Variants in ITFG1 observed in about 807,000 individuals in gnomAD.
ITFG1 encodes the protein T-cell immunomodulatory protein.
Under a neutral mutation model 81.8 loss-of-function variants are expected in ITFG1, and 34 were observed. The ratio of observed to expected loss-of-function variants is 0.42; its 90% CI spans 0.32 to 0.55. The LOEUF (loss-of-function observed/expected upper bound fraction) is 0.55, where lower values mean the gene tolerates loss of function less well. Ranked by LOEUF, ITFG1 falls within the 20% of genes least tolerant of loss-of-function variation. The pLI is 0.17. For missense variants in ITFG1, 672 were observed against 755.4 expected (o/e 0.89, Z 1.29); for synonymous variants, 285 against 270.6 (o/e 1.05, Z -0.52).
chr16:47,168,577 A>C, intron 14 of ITFG1, among the ~76,000 whole-genome samples: 1 of 144,118 alleles, frequency 6.9e-6, no homozygotes, highest in African/African-American at 2.6e-5. Context: ...TTCTAGAGAC[A>C]AGGTCTCACT....
chr16:47,343,208 A>G (rs1242761226), intron 8 of ITFG1, among the ~76,000 whole-genome samples: 2 of 152,100 alleles, frequency 1.3e-5, no homozygotes, highest in African/African-American at 4.8e-5. Flanking sequence ...GCCACCTGAC[A>G]AGGGTACCCA....
At chr16:47,343,193 G>A (rs545842557) in intron 8 of ITFG1, among the ~76,000 whole-genome samples, 12 of 152,130 alleles carry the variant, frequency 7.9e-5, no homozygotes, top group South Asian at 6.2e-4. Context: ...ACACATAGAC[G>A]TATGGCCACC....
At chr16:47,435,186 A>C (rs765349996) in intron 5 of ITFG1, among the ~76,000 whole-genome samples, 1 of 152,190 alleles carries the variant, frequency 6.6e-6, no homozygotes, top group Non-Finnish European at 1.5e-5. Context: ...CTGAACTTAA[A>C]AGCTAAAGAA....
At chr16:47,329,148 C>G (rs1292556333) in intron 8 of ITFG1, among the ~76,000 whole-genome samples, 2 of 152,066 alleles carry the variant, frequency 1.3e-5, no homozygotes, top group African/African-American at 4.8e-5. Context: ...CACACAAAAG[C>G]TTTCATTTAA....
At chr16:47,262,946 G>T (rs970306330) in intron 10 of ITFG1, 3 of 173,954 alleles carry the variant, frequency 1.7e-5, no homozygotes, top group Non-Finnish European at 3.8e-5. Context: ...GCTGCAGTGG[G>T]TGCTTACATT....
chr16:47,323,167 G>A (rs1254325387), intron 8 of ITFG1, among the ~76,000 whole-genome samples: 1 of 152,102 alleles, frequency 6.6e-6, no homozygotes, highest in Non-Finnish European at 1.5e-5. Flanking sequence ...ATTGAGAAGT[G>A]TGGCCTTCAA....
intron 8 of ITFG1, among the ~76,000 whole-genome samples, chr16:47,352,838 G>A (rs1048962278): frequency 2.0e-5 from 3 of 152,302 alleles, no homozygotes; most frequent in South Asian, 4.1e-4. Context: ...ACTGGATTAC[G>A]AAAATGTGGC....
intron 6 of ITFG1, among the ~76,000 whole-genome samples, chr16:47,425,184 C>G (rs1019125507): frequency 3.3e-5 from 5 of 152,144 alleles, no homozygotes; most frequent in African/African-American, 7.2e-5. Flanking sequence ...GCTGCAGCAT[C>G]GCAGGTTGAT....
At chr16:47,323,231 G>A (rs1183593097) in intron 8 of ITFG1, among the ~76,000 whole-genome samples, 2 of 152,156 alleles carry the variant, frequency 1.3e-5, no homozygotes, top group African/African-American at 4.8e-5. Flanking sequence ...ACTCATTCAT[G>A]AGTTAATTAG....
chr16:47,257,431 C>T (rs1966153349), intron 12 of ITFG1, among the ~76,000 whole-genome samples: 1 of 152,100 alleles, frequency 6.6e-6, no homozygotes, highest in African/African-American at 2.4e-5. Context: ...AAAACATGTA[C>T]AGGGTCTTTA....
Position 47,460,967 on chromosome 16 carries a change from C to G in ITFG1, c.79G>C (p.Gly27Arg). The change falls in exon 1 of 18, where the codon GGG becomes CGG. Residue 27 changes from glycine (G) to arginine (R), a missense_variant. By Grantham distance (125) the Gly-to-Arg change is moderately radical. This residue lies in a region of ITFG1 where 560 missense variants were observed against 625.7 expected (regional missense o/e 0.90). Coordinates refer to ENST00000320640, the MANE Select transcript of ITFG1 (RefSeq NM_030790.5). ...LLAGLALLGV[G>R]PVPARALHNV... is the part of the protein sequence containing the mutation. The stretch of plus-strand genomic sequence containing the variant: ...TGCAGCGCCCGCGCTGGGACCGGCC[C>G]GACTCCCAGTAGTGCAAGCCCTGCG... 3 of 1,602,124 alleles carry G rather than the reference C, an allele frequency of 1.9e-6. No homozygotes were observed. Among genetic ancestry groups the G allele is most frequent in the Non-Finnish European group, 2.6e-6 (3 of 1,174,632 alleles).
intron 6 of ITFG1, among the ~76,000 whole-genome samples, chr16:47,378,652 TG>T (rs1371383709): frequency 6.6e-6 from 1 of 152,234 alleles, no homozygotes; most frequent in Non-Finnish European, 1.5e-5. Context: ...GTTGAGGGAC[TG>T]GAAGTATCTT....
At chr16:47,194,361 T>C (rs376381809) in intron 14 of ITFG1, among the ~76,000 whole-genome samples, 3 of 152,212 alleles carry the variant, frequency 2.0e-5, no homozygotes, top group East Asian at 3.8e-4. Context: ...AAGTATATTT[T>C]CATATTCACA....
intron 8 of ITFG1, among the ~76,000 whole-genome samples, chr16:47,350,742 C>T (rs946373244): frequency 1.3e-5 from 2 of 152,142 alleles, no homozygotes; most frequent in Non-Finnish European, 2.9e-5. Flanking sequence ...GACACCAAAG[C>T]CGGGCAGAGC....
At chr16:47,437,639 A>C (rs933737901) in intron 5 of ITFG1, among the ~76,000 whole-genome samples, 1 of 152,190 alleles carries the variant, frequency 6.6e-6, no homozygotes, top group Non-Finnish European at 1.5e-5. Flanking sequence ...ATTCTATTAG[A>C]AGCATACTCA....
At chr16:47,388,153 G>C (rs1968485920) in intron 6 of ITFG1, among the ~76,000 whole-genome samples, 1 of 151,816 alleles carries the variant, frequency 6.6e-6, no homozygotes, top group African/African-American at 2.4e-5. Context: ...GAAAAACAGA[G>C]AGAAAAAAAG....
At chr16:47,446,959 A>G (rs1277020026) in intron 5 of ITFG1, among the ~76,000 whole-genome samples, 3 of 151,008 alleles carry the variant, frequency 2.0e-5, no homozygotes, top group Non-Finnish European at 4.4e-5. Flanking sequence ...ACCTTCCTGG[A>G]TCAACAATCT....
intron 5 of ITFG1, among the ~76,000 whole-genome samples, chr16:47,432,457 T>G (rs1969107692): frequency 6.6e-6 from 1 of 152,010 alleles, no homozygotes; most frequent in Non-Finnish European, 1.5e-5. Context: ...CAGGAGAAAA[T>G]TTTCTCTACA....
At chr16:47,446,867 C>CTT (rs765157745) in intron 5 of ITFG1, among the ~76,000 whole-genome samples, 3 of 143,278 alleles carry the variant, frequency 2.1e-5, no homozygotes, top group Non-Finnish European at 4.6e-5. Flanking sequence ...CTGGTTTTTT[C>CTT]TTTTTTTTTT....
Sources: gnomAD v4.1 joint callset for allele counts (sites outside exome capture counted in the v4.1 genomes callset) on GRCh38, gnomAD v4.1.1 for gene constraint, gnomAD v4.1.1 regional missense constraint, MANE v1.5 for transcripts, NCBI Gene and HGNC (gene_info 2026-07-23, HGNC 2026-07-21) for gene names.